Variants in CETN3 observed in about 807,000 individuals in gnomAD.
CETN3 encodes centrin-3.
In CETN3, 17 loss-of-function variants were observed where a neutral mutation model predicts 20.1. That is an observed-to-expected ratio of 0.85 (90% CI 0.58 to 1.27). CETN3 has a LOEUF of 1.27. Ranked by LOEUF, CETN3 falls within the 50% of genes most tolerant of loss-of-function variation. The pLI is 0.00. For missense variants in CETN3, 169 were observed against 191.2 expected (o/e 0.88, Z 0.69); for synonymous variants, 52 against 59.7 (o/e 0.87, Z 0.59).
chr5:90,401,432 C>T (rs1381348006), intron 3 of CETN3, among the ~76,000 whole-genome samples: 2 of 152,084 alleles, frequency 1.3e-5, no homozygotes, highest in African/African-American at 4.8e-5. Flanking sequence ...TCACAAAACT[C>T]CAAATTTCTG....
In CETN3 at chr5:90,409,754, G is replaced by A. The variant is rs973762193; in HGVS notation, c.-93C>T. 16 of 1,455,024 alleles carry A rather than the reference G, an allele frequency of 1.1e-5. No individual in the cohort carries two copies. In the Admixed American group the frequency reaches 2.0e-4, roughly 18 times the overall value. The allele number at this position is 1,455,024 out of a possible 1,614,324, so 90.1% of individuals were successfully genotyped here. A position where few individuals can be genotyped will look rare whatever the true frequency, so the allele number is the denominator to read the frequency against. ...CCACAGCCGTTCAACAGACACGAAC[G>A]ACCTCAGCGGCCTCAGGGACCTCCC... On this transcript the variant is annotated 5_prime_UTR_variant, in exon 1 of 5. Coordinates refer to ENST00000283122, the MANE Select transcript of CETN3 (RefSeq NM_004365.4).
At chr5:90,406,851 AAAAAC>A (rs1370413686) in intron 2 of CETN3, among the ~76,000 whole-genome samples, 3 of 144,690 alleles carry the variant, frequency 2.1e-5, no homozygotes, top group Admixed American at 6.7e-5. Flanking sequence ...AAAAAAAAAA[AAAAAC>A]AAAAAAAACA....
chr5:90,407,686 A>G lies in CETN3; in HGVS notation c.153+13T>C, dbSNP rs1749488055. 7.0e-7 allele frequency: 1 copy of G among 1,438,170 alleles called. No homozygotes were observed. Among genetic ancestry groups the G allele is most frequent in the Non-Finnish European group, 9.3e-7 (1 of 1,070,218 alleles). 89.1% of individuals were successfully genotyped at this position (1,438,170 alleles called of 1,614,324 possible). A position where few individuals can be genotyped will look rare whatever the true frequency, so the allele number is the denominator to read the frequency against. ...TTTAACACAGAAACAAATATTTTAA[A>G]GTATACCATTACCTTTAATTCATGA... is the stretch of plus-strand genomic sequence containing the variant. On this transcript the variant is annotated intron_variant, in intron 2 of 4. Coordinates refer to ENST00000283122, the MANE Select transcript of CETN3 (RefSeq NM_004365.4).
chr5:90,395,195 T>C (rs1047982599), intron 4 of CETN3, among the ~76,000 whole-genome samples: 3 of 152,090 alleles, frequency 2.0e-5, no homozygotes, highest in African/African-American at 7.2e-5. Flanking sequence ...CTCCATTGAA[T>C]CAAACATTTT....
intron 1 of CETN3, among the ~76,000 whole-genome samples, chr5:90,408,250 A>G (rs1254137744): frequency 5.3e-5 from 8 of 152,234 alleles, no homozygotes; most frequent in Admixed American, 2.6e-4. Context: ...ACCAAAATTC[A>G]TAACTGACAA....
intron 2 of CETN3, among the ~76,000 whole-genome samples, chr5:90,406,471 C>T (rs1451050372): frequency 1.5e-4 from 22 of 151,278 alleles, no homozygotes; most frequent in Admixed American, 1.4e-3. Context: ...TAGAAAAGTT[C>T]AGGTGAGGTA....
At chr5:90,406,617 A>C (rs1042202159) in intron 2 of CETN3, among the ~76,000 whole-genome samples, 1 of 151,890 alleles carries the variant, frequency 6.6e-6, no homozygotes, top group African/African-American at 2.4e-5. Flanking sequence ...AGGAATCTGA[A>C]CTTTAAGTAG....
At chr5:90,398,931 T>C (rs979602408) in intron 4 of CETN3, 2 of 260,226 alleles carry the variant, frequency 7.7e-6, no homozygotes, top group African/African-American at 4.5e-5. Context: ...CTGCACCCAG[T>C]AGGCAGCCAA....
At chr5:90,397,131 A>C (rs867512805) in intron 4 of CETN3, among the ~76,000 whole-genome samples, 2 of 152,112 alleles carry the variant, frequency 1.3e-5, no homozygotes, top group African/African-American at 4.8e-5. Flanking sequence ...TGTGCTTATC[A>C]AGGGACAACT....
rs201749031 is a variant in CETN3 at position 90,409,673 on chromosome 5, A to G, written c.-12T>C. ...AGAGCTAAACTCATTATCTCTTCGC[A>G]CAGAGACGTTCCTCTCAAGAACGAT... On this transcript the variant is annotated 5_prime_UTR_variant, in exon 1 of 5. Transcript: ENST00000283122. The G allele has an allele frequency of 6.2e-7, 1 of 1,614,068 alleles. No homozygotes were observed. The highest frequency in any genetic ancestry group is 8.5e-7 in the Non-Finnish European group (1 of 1,180,008).
intron 3 of CETN3, among the ~76,000 whole-genome samples, chr5:90,401,672 A>G (rs1749294664): frequency 6.6e-6 from 1 of 152,146 alleles, no homozygotes; most frequent in African/African-American, 2.4e-5. Context: ...TACCAGTTAG[A>G]CATGTTGGAC....
At chr5:90,394,736 T>C (rs554909852) in intron 4 of CETN3, among the ~76,000 whole-genome samples, 144 of 152,084 alleles carry the variant, frequency 9.5e-4, no homozygotes, top group Non-Finnish European at 1.5e-3. Context: ...AGTAACTATA[T>C]AGATGTAAAG....
chr5:90,401,154 T>C (rs1031223127), intron 3 of CETN3, among the ~76,000 whole-genome samples: 1 of 152,196 alleles, frequency 6.6e-6, no homozygotes, highest in East Asian at 1.9e-4. Context: ...GGTACTTTAA[T>C]TGTGTTAGTT....
Position 90,393,472 on chromosome 5 carries a change from C to T in CETN3, c.*592G>A, listed in dbSNP as rs1749064541. The T allele has an allele frequency of 6.6e-6, 1 of 152,090 alleles. No homozygotes were observed. Among genetic ancestry groups the T allele is most frequent in the African/African-American group, 2.4e-5 (1 of 41,408 alleles). 9.4% of individuals were successfully genotyped at this position (152,090 alleles called of 1,614,324 possible). On this transcript the variant is annotated 3_prime_UTR_variant, in exon 5 of 5. Transcript: ENST00000283122. ...TGGGTCTATCTGCACAATACTTATT[C>T]CTTCTAAACTCAAAGACAGGACTCT...
intron 2 of CETN3, 64 bp downstream of exon 2, chr5:90,407,635 A>C (rs1277546225): frequency 1.8e-6 from 2 of 1,136,980 alleles, no homozygotes; most frequent in Non-Finnish European, 2.3e-6. Context: ...AATGTAATGT[A>C]AAGCAACTGT....
intron 4 of CETN3, chr5:90,398,958 G>A (rs1482798044): frequency 3.4e-6 from 1 of 294,108 alleles, no homozygotes; most frequent in Non-Finnish European, 6.4e-6. Flanking sequence ...AATAAATGAG[G>A]CCATTATAAC....
chr5:90,408,613 A>G (rs1749530606), intron 1 of CETN3, among the ~76,000 whole-genome samples: 1 of 152,208 alleles, frequency 6.6e-6, no homozygotes, highest in Non-Finnish European at 1.5e-5. Context: ...AATTATTTTA[A>G]AGCCAGAAAT....
chr5:90,399,585 G>A, intron 3 of CETN3, 36 bp from the exon 4 acceptor site: 2 of 1,504,688 alleles, frequency 1.3e-6, no homozygotes. Context: ...TAATAAACCT[G>A]CATAATCACA....
In CETN3 at chr5:90,397,685, G is replaced by A. The variant is rs532706101; in HGVS notation, c.460+1673C>T. Among the ~76,000 whole-genome samples, 30 of 152,144 alleles carry A rather than the reference G, an allele frequency of 2.0e-4. No homozygotes were observed. In the South Asian group the frequency reaches 2.7e-3, roughly 14 times the overall value. ...TAGTTAATATTTTACTTCATAGCCC[G>A]AAAGGCAATACAATATTACGTTTAA... is the stretch of plus-strand genomic sequence containing the variant. On this transcript the variant is annotated intron_variant, in intron 4 of 4. Coordinates refer to ENST00000283122, the MANE Select transcript of CETN3 (RefSeq NM_004365.4).
Sources: gnomAD v4.1 joint callset for allele counts (sites outside exome capture counted in the v4.1 genomes callset) on GRCh38, gnomAD v4.1.1 for gene constraint, MANE v1.5 for transcripts, NCBI Gene and HGNC (gene_info 2026-07-23, HGNC 2026-07-21) for gene names.